CUX1: variants seen among roughly 807,000 people sequenced by gnomAD.
The protein encoded by CUX1 is cut like homeobox 1.
In CUX1, 31 loss-of-function variants were observed where a neutral mutation model predicts 158.8. That is an observed-to-expected ratio of 0.20 (90% CI 0.15 to 0.26). CUX1 has a LOEUF of 0.26. CUX1 is among the 10% of genes least tolerant of loss of function. The pLI is 1.00. For missense variants in CUX1, 1,589 were observed against 2,014.6 expected, an observed-to-expected ratio of 0.79 and a Z score of 4.04; for synonymous variants, 879 against 862.1, an observed-to-expected ratio of 1.02 and a Z score of -0.34.
At chr7:102,003,857 A>G (rs1230779680) in intron 2 of CUX1, among the ~76,000 whole-genome samples, 5 of 152,146 alleles carry the variant, frequency 3.3e-5, no homozygotes, top group African/African-American at 1.2e-4. Context: ...TTCATGTTAT[A>G]AGGTGTTTAG....
At chr7:102,160,387 T>A (rs76030731) in intron 9 of CUX1, among the ~76,000 whole-genome samples, 9,697 of 151,954 alleles carry the variant, frequency 0.064, 421 homozygotes, top group African/African-American at 0.11. Flanking sequence ...ATATCAGTGC[T>A]CTATCCAGAA....
intron 21 of CUX1, among the ~76,000 whole-genome samples, chr7:102,230,376 TTGGGAGGCTGAGG>T (rs1443944860): frequency 1.4e-4 from 21 of 151,670 alleles, no homozygotes; most frequent in African/African-American, 5.1e-4. Flanking sequence ...TCCCTGCTGC[TTGGGAGGCTGAGG>T]TGGGAGGATC....
At position 102,219,715 on chromosome 7, in the gene CUX1, G is replaced by A. The variant is rs139389947; in HGVS notation, c.3131-7652G>A. 4.4e-3 allele frequency among the ~76,000 whole-genome samples: 667 copies of A among 152,360 alleles called. 3 individuals are homozygous for A. Among genetic ancestry groups the A allele is most frequent in the Middle Eastern group, 0.014 (4 of 294 alleles). On this transcript the variant is annotated intron_variant, in intron 20 of 23. Transcript: ENST00000292535. ...GGTAAGGAAACGTCCAGTGGCCCAG[G>A]AAGGAGGTGCAGAAAGCTCATGAGT...
intron 20 of CUX1, among the ~76,000 whole-genome samples, chr7:102,223,238 C>T (rs1297765620): frequency 1.3e-5 from 2 of 151,908 alleles, no homozygotes; most frequent in Non-Finnish European, 2.9e-5. Flanking sequence ...ACCTGGGTAA[C>T]ATAGCAAAAC....
chr7:102,076,907 G>A (rs1332344712), intron 4 of CUX1, among the ~76,000 whole-genome samples: 7 of 151,704 alleles, frequency 4.6e-5, no homozygotes, highest in African/African-American at 1.5e-4. Flanking sequence ...GGTGGCGTTC[G>A]CCTGTAGTCC....
At chr7:102,007,994 C>G (rs1371266739) in intron 2 of CUX1, among the ~76,000 whole-genome samples, 4 of 152,144 alleles carry the variant, frequency 2.6e-5, no homozygotes, top group African/African-American at 9.7e-5. Context: ...ATCTACCTGC[C>G]TTGGCCTCCC....
chr7:102,193,995 A>G (rs1016526006), intron 13 of CUX1, 105 bp downstream of exon 13: 198 of 1,104,880 alleles, frequency 1.8e-4, no homozygotes, highest in Non-Finnish European at 2.5e-4. Context: ...GAGACCTCTC[A>G]CTTACAGCCG....
intron 3 of CUX1, among the ~76,000 whole-genome samples, chr7:102,037,977 C>T (rs1445548116): frequency 6.6e-6 from 1 of 151,590 alleles, no homozygotes; most frequent in Non-Finnish European, 1.5e-5. Flanking sequence ...GTTGCTTGAA[C>T]CTGGGAGGTG....
At chr7:102,227,156 G>A (rs1051302864) in intron 20 of CUX1, among the ~76,000 whole-genome samples, 3 of 151,796 alleles carry the variant, frequency 2.0e-5, no homozygotes, top group African/African-American at 4.8e-5. Flanking sequence ...AGTTTTTCTC[G>A]CAATGATGTT....
chr7:101,893,409 A>G (rs1801111619), intron 1 of CUX1, among the ~76,000 whole-genome samples: 1 of 152,098 alleles, frequency 6.6e-6, no homozygotes, highest in Admixed American at 6.6e-5. Flanking sequence ...CTGCACGTGA[A>G]AGATTTGCCT....
intron 14 of CUX1, among the ~76,000 whole-genome samples, chr7:102,269,675 C>T (rs773810965): frequency 6.6e-6 from 1 of 151,304 alleles, no homozygotes; most frequent in Admixed American, 6.6e-5. Flanking sequence ...CTGCCCGCCT[C>T]GGCCTCTCAA....
At chr7:101,988,085 G>A (rs1449205264) in intron 2 of CUX1, among the ~76,000 whole-genome samples, 1 of 152,112 alleles carries the variant, frequency 6.6e-6, no homozygotes, top group Non-Finnish European at 1.5e-5. Context: ...GGTGGCGCAT[G>A]CCTGTAATCC....
At chr7:102,187,829 G>T (rs539594167) in intron 11 of CUX1, among the ~76,000 whole-genome samples, 2 of 152,144 alleles carry the variant, frequency 1.3e-5, no homozygotes, top group African/African-American at 4.8e-5. Context: ...AAAACATCGG[G>T]CAGGTTGGGA....
chr7:101,907,142 T>C (rs1802850169), intron 1 of CUX1, among the ~76,000 whole-genome samples: 1 of 152,262 alleles, frequency 6.6e-6, no homozygotes, highest in Non-Finnish European at 1.5e-5. Context: ...CTCAAACTTA[T>C]GAAATAAGTG....
intron 8 of CUX1, among the ~76,000 whole-genome samples, chr7:102,155,364 T>G (rs1789629233): frequency 6.9e-6 from 1 of 144,044 alleles, no homozygotes; most frequent in African/African-American, 2.6e-5. Context: ...GGCAACATGG[T>G]GAAACCTTGT....
At chr7:102,181,397 C>T (rs1793070667) in intron 11 of CUX1, among the ~76,000 whole-genome samples, 1 of 152,286 alleles carries the variant, frequency 6.6e-6, no homozygotes, top group African/African-American at 2.4e-5. Flanking sequence ...GCCTTTCTCT[C>T]CATTGTCAAG....
intron 2 of CUX1, among the ~76,000 whole-genome samples, chr7:102,012,656 C>G (rs1162904970): frequency 6.7e-6 from 1 of 150,260 alleles, no homozygotes; most frequent in Non-Finnish European, 1.5e-5. Flanking sequence ...CTGGCTGCTT[C>G]CAGAAGGTAT....
intron 1 of CUX1, chr7:101,913,495 T>C (rs1264743961): frequency 9.7e-7 from 1 of 1,026,714 alleles, no homozygotes; most frequent in African/African-American, 1.7e-5. Flanking sequence ...CCAGGCAGGC[T>C]CTCTGACAGA....
chr7:102,153,582 G>A (rs904532268), intron 8 of CUX1: 1 of 152,282 alleles, frequency 6.6e-6, no homozygotes, highest in South Asian at 2.1e-4. Context: ...CATCGGCAAG[G>A]CATCTCAGAG....
Sources: gnomAD v4.1 joint callset for allele counts (sites outside exome capture counted in the v4.1 genomes callset) on GRCh38, gnomAD v4.1.1 for gene constraint, MANE v1.5 for transcripts, NCBI Gene and HGNC (gene_info 2026-07-23, HGNC 2026-07-21) for gene names.